ACACA: variants seen among roughly 807,000 people sequenced by gnomAD.
ACACA encodes acetyl-CoA carboxylase alpha.
ACACA carries 103 observed loss-of-function variants against 296.1 expected under a neutral mutation model. The observed-to-expected ratio is 0.35, with a 90% CI of 0.30 to 0.41. The LOEUF is 0.41. Among genes scored for constraint, ACACA ranks in the 10% least tolerant of loss-of-function variants. The pLI is 1.00. For missense variants in ACACA, 1,554 were observed against 2,989.7 expected (o/e 0.52, Z 11.20); for synonymous variants, 953 against 1,038.6 (o/e 0.92, Z 1.58).
chr17:37,284,085 G>A (rs376920876), intron 4 of ACACA, among the ~76,000 whole-genome samples: 1 of 152,134 alleles, frequency 6.6e-6, no homozygotes, highest in Non-Finnish European at 1.5e-5. Context: ...TTTTAGGAGT[G>A]GAAATACAGG....
chr17:37,241,431 G>A (rs939242408), intron 23 of ACACA, among the ~76,000 whole-genome samples: 2 of 152,128 alleles, frequency 1.3e-5, no homozygotes, highest in Admixed American at 6.5e-5. Flanking sequence ...CAGGCTGGAC[G>A]CAGTGGCTCA....
intron 1 of ACACA, among the ~76,000 whole-genome samples, chr17:37,345,860 A>G (rs1340860155): frequency 6.6e-6 from 1 of 152,222 alleles, no homozygotes; most frequent in Non-Finnish European, 1.5e-5. Context: ...CATGACCACT[A>G]AATACAATGT....
At chr17:37,376,064 G>C (rs756689419) in intron 1 of ACACA, 6 of 1,594,996 alleles carry the variant, frequency 3.8e-6, no homozygotes, top group Admixed American at 1.7e-5. Flanking sequence ...GCAGTGGTCT[G>C]TCTGCAATGA....
At chr17:37,169,920 G>A (rs1340196426) in intron 41 of ACACA, among the ~76,000 whole-genome samples, 1 of 152,226 alleles carries the variant, frequency 6.6e-6, no homozygotes, top group East Asian at 1.9e-4. Flanking sequence ...GTAAGTGGGT[G>A]GGTTTATGGT....
At chr17:37,168,335 A>C (rs1057156837) in intron 41 of ACACA, among the ~76,000 whole-genome samples, 2 of 152,160 alleles carry the variant, frequency 1.3e-5, no homozygotes, top group Non-Finnish European at 2.9e-5. Context: ...GGGATGATGA[A>C]ATTGTATTTT....
intron 3 of ACACA, chr17:37,289,272 C>CA (rs2082935584): frequency 2.7e-6 from 1 of 364,742 alleles, no homozygotes; most frequent in South Asian, 2.4e-5. Context: ...AAAAAAAAAA[C>CA]AAAAAACAAA....
chr17:37,347,531 C>T (rs557910781), intron 1 of ACACA, among the ~76,000 whole-genome samples: 15 of 152,120 alleles, frequency 9.9e-5, no homozygotes, highest in African/African-American at 1.2e-4. Context: ...CCTGCTCAAG[C>T]GATCCTCCAG....
At chr17:37,382,026 ATTC>A (rs1214631404) in intron 1 of ACACA, among the ~76,000 whole-genome samples, 1 of 152,136 alleles carries the variant, frequency 6.6e-6, no homozygotes, top group African/African-American at 2.4e-5. Context: ...GACCGTATAT[ATTC>A]TTCTTTTTTC....
chr17:37,203,989 C>T (rs1401287379), intron 33 of ACACA, among the ~76,000 whole-genome samples: 1 of 152,212 alleles, frequency 6.6e-6, no homozygotes, highest in Non-Finnish European at 1.5e-5. Flanking sequence ...GGAATAAGTA[C>T]TAAGACTCAT....
intron 1 of ACACA, among the ~76,000 whole-genome samples, chr17:37,390,399 C>T (rs2050828217): frequency 7.7e-6 from 1 of 129,282 alleles, no homozygotes; most frequent in African/African-American, 3.0e-5. Flanking sequence ...GAGGCCAAGG[C>T]AGGTGGATCA....
intron 54 of ACACA, 48 bp from the exon 55 acceptor site, chr17:37,089,122 G>A (rs770778008): frequency 9.3e-6 from 15 of 1,613,308 alleles, no homozygotes; most frequent in South Asian, 8.8e-5. Flanking sequence ...AGGCCAGGCC[G>A]GGACACCCTG....
intron 1 of ACACA, among the ~76,000 whole-genome samples, chr17:37,342,810 A>T (rs912250194): frequency 4.0e-5 from 6 of 151,458 alleles, no homozygotes; most frequent in East Asian, 1.9e-4. Context: ...ATGTGGTAGC[A>T]CATGCCCATG....
chr17:37,353,309 T>C (rs2048987661), intron 1 of ACACA, among the ~76,000 whole-genome samples: 1 of 151,992 alleles, frequency 6.6e-6, no homozygotes, highest in Non-Finnish European at 1.5e-5. Flanking sequence ...GTGTAAAATA[T>C]ATACACAACT....
intron 14 of ACACA, among the ~76,000 whole-genome samples, chr17:37,256,593 A>G (rs562523592): frequency 6.6e-6 from 1 of 152,302 alleles, no homozygotes; most frequent in South Asian, 2.1e-4. Flanking sequence ...TTTGCTGGAC[A>G]TGATGGTGCA....
intron 29 of ACACA, among the ~76,000 whole-genome samples, chr17:37,212,941 G>C (rs1402072271): frequency 6.7e-6 from 1 of 148,462 alleles, no homozygotes; most frequent in African/African-American, 2.5e-5. Context: ...ACTAAGGGAA[G>C]AGATTGTATA....
At chr17:37,383,471 G>C (rs2050393444) in intron 1 of ACACA, among the ~76,000 whole-genome samples, 1 of 152,152 alleles carries the variant, frequency 6.6e-6, no homozygotes, top group African/African-American at 2.4e-5. Flanking sequence ...AGATTAAATG[G>C]ATATTTGTAG....
intron 43 of ACACA, among the ~76,000 whole-genome samples, chr17:37,154,124 T>C (rs914870905): frequency 1.3e-5 from 2 of 151,992 alleles, no homozygotes; most frequent in Non-Finnish European, 2.9e-5. Flanking sequence ...CTGGGGAACC[T>C]AGCAAGACTC....
intron 45 of ACACA, among the ~76,000 whole-genome samples, chr17:37,138,459 A>G (rs968209743): frequency 2.6e-5 from 4 of 152,080 alleles, no homozygotes; most frequent in Non-Finnish European, 4.4e-5. Flanking sequence ...GTTAAGGGGG[A>G]CCTTTCTGAC....
chr17:37,370,448 A>G (rs958813754), intron 1 of ACACA, among the ~76,000 whole-genome samples: 1 of 147,042 alleles, frequency 6.8e-6, no homozygotes, highest in Non-Finnish European at 1.5e-5. Context: ...GTAGTTCAAG[A>G]CCAGCCTGGG....
Sources: allele counts gnomAD v4.1 joint callset (sites outside exome capture counted in the v4.1 genomes callset), GRCh38; gene constraint gnomAD v4.1.1; transcripts MANE v1.5; gene names NCBI Gene and HGNC (gene_info 2026-07-23, HGNC 2026-07-21).